Variants in GSE1 observed in about 807,000 individuals in gnomAD.
GSE1 encodes Gse1 coiled-coil protein.
In GSE1, 32 loss-of-function variants were observed where a neutral mutation model predicts 112.6. The observed-to-expected ratio is 0.28, with a 90% confidence interval of 0.21 to 0.38. The LOEUF (loss-of-function observed/expected upper bound fraction) is 0.38, where lower values mean the gene tolerates loss of function less well. GSE1 is among the 10% of genes least tolerant of loss of function. The pLI is 1.00. For synonymous variants in GSE1, 1,115 were observed against 735.6 expected (o/e 1.52, Z -8.35); for missense variants, 2,348 against 1,699.2 (o/e 1.38, Z -6.71).
At chr16:85,540,227 C>T (rs546721219) in intron 2 of GSE1, among the ~76,000 whole-genome samples, 4 of 152,322 alleles carry the variant, frequency 2.6e-5, no homozygotes, top group East Asian at 1.9e-4. Context: ...TTCAGGAGGA[C>T]GTACACGTCT....
At chr16:85,671,205 C>A in intron 15 of GSE1, 107 bp downstream of exon 15, 1 of 615,818 alleles carries the variant, frequency 1.6e-6, no homozygotes, top group African/African-American at 1.9e-5. Flanking sequence ...CTTAAGAGAT[C>A]AAAATTTGGC....
At chr16:85,543,478 A>T (rs886420840) in intron 2 of GSE1, among the ~76,000 whole-genome samples, 47 of 152,216 alleles carry the variant, frequency 3.1e-4, no homozygotes, top group African/African-American at 1.1e-3. Context: ...CCCACCCCAT[A>T]GAGTCCACAC....
At position 85,256,335 on chromosome 16, in the gene GSE1, G is replaced by A. The variant is rs771720495; in HGVS notation, c.2283+84528G>A. ...CCCGCTATAAGGCAGACACGTCTAA[G>A]TGCTTTGCATTAATAAAAATGACAA... On this transcript the variant is annotated intron_variant, in intron 1 of 2. Transcript: ENST00000637419. Among the ~76,000 whole-genome samples, 114 of 152,376 alleles carry A rather than the reference G, an allele frequency of 7.5e-4. 1 individual carries two copies. The highest frequency in any genetic ancestry group is 7.7e-4 in the East Asian group (4 of 5,192).
chr16:85,468,784 TG>T, intron 2 of GSE1, among the ~76,000 whole-genome samples: 1 of 152,304 alleles, frequency 6.6e-6, no homozygotes, highest in Non-Finnish European at 1.5e-5. Flanking sequence ...GAGTATGAGC[TG>T]GAAGAAGAAT....
chr16:85,459,361 A>G (rs1252091738), intron 2 of GSE1, among the ~76,000 whole-genome samples: 1 of 152,176 alleles, frequency 6.6e-6, no homozygotes, highest in African/African-American at 2.4e-5. Context: ...TCCCGTGCCC[A>G]GCTGGTTGTT....
intron 2 of GSE1, among the ~76,000 whole-genome samples, chr16:85,527,067 T>C (rs2151171722): frequency 6.6e-6 from 1 of 152,342 alleles, no homozygotes; most frequent in South Asian, 2.1e-4. Context: ...TGCGTTCACC[T>C]CTCCGGTCAG....
intron 2 of GSE1, among the ~76,000 whole-genome samples, chr16:85,460,782 TAACCA>T (rs2049947833): frequency 7.8e-6 from 1 of 128,686 alleles, no homozygotes; most frequent in Non-Finnish European, 1.5e-5. Context: ...GAACGTCCCA[TAACCA>T]GGGACGGCAA....
chr16:85,491,461 G>A (rs1352289112), intron 2 of GSE1, among the ~76,000 whole-genome samples: 4 of 152,158 alleles, frequency 2.6e-5, no homozygotes, highest in Admixed American at 1.3e-4. Context: ...GGTTGGGAGG[G>A]GCTTTATGAG....
At chr16:85,497,884 G>A (rs996417099) in intron 2 of GSE1, among the ~76,000 whole-genome samples, 8 of 152,158 alleles carry the variant, frequency 5.3e-5, no homozygotes, top group Admixed American at 3.3e-4. Context: ...GGAGGGTGGC[G>A]CTCTTGTTAT....
Position 85,558,037 on chromosome 16 carries a change from C to CCT in GSE1, c.37+1674_37+1675insCT, listed in dbSNP as rs568523159. On this transcript the variant is annotated intron_variant, in intron 1 of 2. Transcript: ENST00000635906. ...CAAGCTTCGCTTTTCCCTCCCTCCC[C>CCT]TAGCGGATCCAATCCAAATTAGAAC... 5.3e-3 allele frequency among the ~76,000 whole-genome samples: 813 copies of CCT among 152,266 alleles called. 8 individuals are homozygous for CCT. Among genetic ancestry groups the CCT allele is most frequent in the African/African-American group, 0.019 (778 of 41,540 alleles).
chr16:85,656,676 G>C lies in GSE1; in HGVS notation c.1312+11G>C. On this transcript the variant is annotated intron_variant, in intron 7 of 15. Transcript: ENST00000253458. ...CCCCAACCCGAGCAGGTACCTGGGC[G>C]TGGGTGGGCTGTGCTGGGCAAGGTC... 1 of 1,496,630 alleles carries C rather than the reference G, an allele frequency of 6.7e-7. No individual in the cohort carries two copies. The highest frequency in any genetic ancestry group is 8.9e-7 in the Non-Finnish European group (1 of 1,123,314). The allele number at this position is 1,496,630 out of a possible 1,614,324, so 92.7% of individuals were successfully genotyped here.
intron 3 of GSE1, among the ~76,000 whole-genome samples, chr16:85,653,011 C>T (rs1359764646): frequency 3.3e-5 from 5 of 151,486 alleles, no homozygotes; most frequent in African/African-American, 7.3e-5. Context: ...GAGGGGCCAG[C>T]GTGGCCATGG....
chr16:85,448,625 A>C (rs558242956), intron 2 of GSE1, among the ~76,000 whole-genome samples: 1 of 152,296 alleles, frequency 6.6e-6, no homozygotes, highest in East Asian at 1.9e-4. Flanking sequence ...TCCCTCCTGC[A>C]CGCTTATCTG....
chr16:85,517,929 C>T (rs558680484), intron 2 of GSE1, among the ~76,000 whole-genome samples: 9 of 152,342 alleles, frequency 5.9e-5, no homozygotes, highest in East Asian at 1.9e-4. Context: ...GCTGATGGAG[C>T]GCCCCTCTCC....
Position 85,269,789 on chromosome 16 carries a change from C to T in GSE1, c.2284-87674C>T, listed in dbSNP as rs982433458. On this transcript the variant is annotated intron_variant, in intron 1 of 2. Transcript: ENST00000637419. ...GGTCTGCTGGGGTCTCTGGGCTCCT[C>T]CCCTGGGGCAGCACCAGGCCCTGTC... Among the ~76,000 whole-genome samples the T allele has an allele frequency of 2.7e-5, 4 of 149,192 alleles. 1 individual carries two copies. Among genetic ancestry groups the T allele is most frequent in the Non-Finnish European group, 6.0e-5 (4 of 66,164 alleles).
intron 8 of GSE1, among the ~76,000 whole-genome samples, chr16:85,658,894 C>T (rs992318744): frequency 2.0e-5 from 3 of 152,342 alleles, no homozygotes; most frequent in East Asian, 1.9e-4. Flanking sequence ...CTGCCCCATC[C>T]GGACCTGGGG....
chr16:85,661,701 G>C lies in GSE1; in HGVS notation c.2196G>C (p.Gln732His), dbSNP rs377710056. The C allele has an allele frequency of 6.2e-7, 1 of 1,601,026 alleles. No individual in the cohort carries two copies. Among genetic ancestry groups the C allele is most frequent in the Non-Finnish European group, 8.5e-7 (1 of 1,173,746 alleles). ...ACATCTATGATGAGTTCCTGCAGCAGCGCCGGAGGCTGGTCAGCAAGCTGG... is the reference window on the plus strand; with the variant it reads ...ACATCTATGATGAGTTCCTGCAGCACCGCCGGAGGCTGGTCAGCAAGCTGG... ...PAYIYDEFLQQRRRLVSKLDL... is the reference protein window; with the variant it reads ...PAYIYDEFLQHRRRLVSKLDL... Residue 732 changes from glutamine (Q) to histidine (H), a missense_variant, in exon 9 of 16, where the codon CAG becomes CAC. Gln to His is a conservative substitution (Grantham distance 24). Transcript: ENST00000253458.
At chr16:85,444,229 C>A (rs370205314) in intron 2 of GSE1, among the ~76,000 whole-genome samples, 2 of 152,104 alleles carry the variant, frequency 1.3e-5, no homozygotes, top group South Asian at 2.1e-4. Flanking sequence ...CGTGACCCTC[C>A]CGCCTCGGCC....
chr16:85,244,251 C>CA (rs923940228), intron 1 of GSE1, among the ~76,000 whole-genome samples: 1 of 152,054 alleles, frequency 6.6e-6, no homozygotes, highest in African/African-American at 2.4e-5. Flanking sequence ...AGAAGAGAGT[C>CA]AGAGAGGTGG....
Sources: allele counts gnomAD v4.1 joint callset (sites outside exome capture counted in the v4.1 genomes callset), GRCh38; gene constraint gnomAD v4.1.1; transcripts MANE v1.5; gene names NCBI Gene and HGNC (gene_info 2026-07-23, HGNC 2026-07-21).